The following ADIPOR2 variants were observed in gnomAD, a reference collection of about 807,000 sequenced individuals.
ADIPOR2 encodes adiponectin receptor 2.
ADIPOR2 carries 18 observed loss-of-function variants against 40.9 expected under a neutral mutation model. That is an observed-to-expected ratio of 0.44 (90% CI 0.30 to 0.65). ADIPOR2 has a LOEUF of 0.65. ADIPOR2 is among the 30% of genes least tolerant of loss of function. The pLI is 0.09. For synonymous variants in ADIPOR2, 165 were observed against 166.4 expected, an observed-to-expected ratio of 0.99 and a Z score of 0.06; for missense variants, 283 against 479.2, an observed-to-expected ratio of 0.59 and a Z score of 3.82.
At chr12:1,737,101 T>G (rs1481468088) in intron 1 of ADIPOR2, among the ~76,000 whole-genome samples, 1 of 152,194 alleles carries the variant, frequency 6.6e-6, no homozygotes, top group Non-Finnish European at 1.5e-5. Flanking sequence ...GTTGCAGAAA[T>G]GAGGTGTTGA....
intron 2 of ADIPOR2, 34 bp downstream of exon 2, chr12:1,754,548 A>C (rs1367353211): frequency 7.0e-6 from 11 of 1,574,038 alleles, no homozygotes; most frequent in Non-Finnish European, 9.5e-6. Flanking sequence ...AAACAAAGGA[A>C]AAAATGTGGA....
intron 1 of ADIPOR2, among the ~76,000 whole-genome samples, chr12:1,708,744 G>A (rs1241516044): frequency 1.5e-5 from 2 of 136,036 alleles, no homozygotes; most frequent in African/African-American, 5.0e-5. Context: ...TTTTGAGACA[G>A]AGTCTTGTTC....
In ADIPOR2 at chr12:1,707,796, A is replaced by G. The variant is rs1000402859; in HGVS notation, c.-87+16605A>G. Among the ~76,000 whole-genome samples the G allele has an allele frequency of 3.3e-5, 5 of 152,272 alleles. No homozygotes were observed. The East Asian group carries it at 9.6e-4, about 29-fold the overall frequency. ...CCTTATTTGCATTTTTCTGATAGCA[A>G]ATGATGTTGAACACTTCTTCATGTG... On this transcript the variant is annotated intron_variant, in intron 1 of 7. Transcript: ENST00000357103.
intron 1 of ADIPOR2, among the ~76,000 whole-genome samples, chr12:1,719,161 T>G (rs1253411874): frequency 6.6e-6 from 1 of 152,192 alleles, no homozygotes; most frequent in Non-Finnish European, 1.5e-5. Context: ...TTTCAGTTTT[T>G]TTTTTGAGAC....
At position 1,787,162 on chromosome 12, in the gene ADIPOR2, G is replaced by A. The variant is rs1361533012; in HGVS notation, c.*1090G>A. 1 of 152,198 alleles carries A rather than the reference G, an allele frequency of 6.6e-6. No homozygotes were observed. The highest frequency in any genetic ancestry group is 1.5e-5 in the Non-Finnish European group (1 of 68,044). The allele number at this position is 152,198 out of a possible 1,614,324, so 9.4% of individuals were successfully genotyped here. ...CCCTAACTACACTTCCTCCTTGAGG[G>A]AATAGAAATGGACCTTTCTCTGACA... On this transcript the variant is annotated 3_prime_UTR_variant, in exon 8 of 8. Transcript: ENST00000357103.
chr12:1,776,474 T>G (rs981897753), intron 3 of ADIPOR2, among the ~76,000 whole-genome samples: 1 of 152,230 alleles, frequency 6.6e-6, no homozygotes, highest in African/African-American at 2.4e-5. Context: ...GAGCCCACAT[T>G]AGCTGGAAGA....
chr12:1,784,282 G>A (rs149934578), intron 7 of ADIPOR2, among the ~76,000 whole-genome samples: 166 of 152,342 alleles, frequency 1.1e-3, no homozygotes, highest in African/African-American at 3.8e-3. Context: ...GGTACAGAGT[G>A]CTTTGCACGG....
rs190513801 is a variant in ADIPOR2 at position 1,744,496 on chromosome 12, C to T, written c.-86-9762C>T. On this transcript the variant is annotated intron_variant, in intron 1 of 7. Coordinates refer to ENST00000357103, the MANE Select transcript of ADIPOR2 (RefSeq NM_024551.3). ...AACTATAGGCGCGTACCGCCATGAC[C>T]GGCTAATTTTTGTATTTTTTTGTAG... Among the ~76,000 whole-genome samples the T allele has an allele frequency of 3.4e-4, 52 of 152,104 alleles. 1 individual carries two copies. The highest frequency in any genetic ancestry group is 4.2e-4 in the South Asian group (2 of 4,814).
intron 1 of ADIPOR2, among the ~76,000 whole-genome samples, chr12:1,744,098 CT>C (rs34185605): frequency 1.2e-4 from 17 of 147,016 alleles, no homozygotes; most frequent in Admixed American, 2.0e-4. Context: ...CTTGAAAAGT[CT>C]TTTTTTTTTC....
chr12:1,724,025 G>C (rs140650604), intron 1 of ADIPOR2, among the ~76,000 whole-genome samples: 3 of 151,004 alleles, frequency 2.0e-5, no homozygotes, highest in Non-Finnish European at 4.4e-5. Flanking sequence ...ACTGTTGCCC[G>C]GGCTGAAGTG....
At chr12:1,757,790 CCTTGCCATCGATCTTA>C in intron 2 of ADIPOR2, 2 of 932,770 alleles carry the variant, frequency 2.1e-6, no homozygotes, top group East Asian at 4.8e-5. Context: ...TGAGTTCGGA[CCTTGCCATCGATCTTA>C]ATGAACCTCT....
chr12:1,713,428 C>G (rs1440120318), intron 1 of ADIPOR2, among the ~76,000 whole-genome samples: 1 of 152,094 alleles, frequency 6.6e-6, no homozygotes, highest in Non-Finnish European at 1.5e-5. Context: ...AAATGTCTAA[C>G]AATATCCTGT....
chr12:1,757,164 TTC>T (rs1012180612), intron 2 of ADIPOR2: 4 of 290,158 alleles, frequency 1.4e-5, no homozygotes, highest in African/African-American at 8.8e-5. Context: ...GGCAATAAAA[TTC>T]TGTTTATCAT....
intron 2 of ADIPOR2, among the ~76,000 whole-genome samples, chr12:1,769,807 G>A (rs1862459778): frequency 6.6e-6 from 1 of 152,098 alleles, no homozygotes; most frequent in African/African-American, 2.4e-5. Flanking sequence ...CTCCCAAAGT[G>A]CTGGGATTAC....
At chr12:1,724,904 A>G (rs995422608) in intron 1 of ADIPOR2, among the ~76,000 whole-genome samples, 44 of 152,048 alleles carry the variant, frequency 2.9e-4, no homozygotes, top group African/African-American at 1.0e-3. Flanking sequence ...GTATTCATTC[A>G]TTCATTTAAC....
chr12:1,744,539 G>T (rs79414395), intron 1 of ADIPOR2, among the ~76,000 whole-genome samples: 9 of 151,686 alleles, frequency 5.9e-5, no homozygotes, highest in African/African-American at 2.2e-4. Context: ...GTTTCACCAT[G>T]TTGACCAGGC....
chr12:1,754,851 A>AC (rs1486998546), intron 2 of ADIPOR2, among the ~76,000 whole-genome samples: 6 of 120,144 alleles, frequency 5.0e-5, no homozygotes, highest in Non-Finnish European at 1.0e-4. Flanking sequence ...TCCTGCCTCG[A>AC]CTACAGGTAC....
intron 1 of ADIPOR2, among the ~76,000 whole-genome samples, chr12:1,698,311 C>G (rs1182424789): frequency 6.6e-6 from 1 of 152,088 alleles, no homozygotes; most frequent in African/African-American, 2.4e-5. Context: ...AATCACGGCT[C>G]ACTGCCCTCT....
intron 7 of ADIPOR2, among the ~76,000 whole-genome samples, chr12:1,784,776 A>G (rs1437377632): frequency 6.6e-6 from 1 of 152,208 alleles, no homozygotes; most frequent in Admixed American, 6.5e-5. Flanking sequence ...ACTTATAACC[A>G]AAGAGGGCCT....
Sources: allele counts gnomAD v4.1 joint callset (sites outside exome capture counted in the v4.1 genomes callset), GRCh38; gene constraint gnomAD v4.1.1; transcripts MANE v1.5; gene names NCBI Gene and HGNC (gene_info 2026-07-23, HGNC 2026-07-21).